Variants in ZNF862 observed in about 807,000 individuals in gnomAD.
ZNF862 encodes zinc finger protein 862.
In ZNF862, 64 loss-of-function variants were observed where a neutral mutation model predicts 91.1. The observed-to-expected ratio is 0.70, with a 90% CI of 0.57 to 0.87. The LOEUF (loss-of-function observed/expected upper bound fraction) is 0.87. Ranked by LOEUF, ZNF862 falls within the 40% of genes least tolerant of loss-of-function variation. The pLI is 0.00. For synonymous variants in ZNF862, 631 were observed against 618.1 expected (o/e 1.02, Z -0.31); for missense variants, 1,459 against 1,528.0 (o/e 0.95, Z 0.75).
chr7:149,861,883 A>T lies in ZNF862; in HGVS notation c.2723A>T (p.Asp908Val), dbSNP rs1656080821. The T allele has an allele frequency of 6.2e-7, 1 of 1,613,732 alleles. No homozygotes were observed. ...GGGCGGCTCCACGGCATCTGCTTGG[A>T]CAAACTGGAGGTAGCGGAACAGCGG... ...KDGRLHGICL[D>V]KLEVAEQRFQ... The change falls in exon 7 of 8, where the codon GAC becomes GTC. Residue 908 changes from aspartate to valine, a missense_variant. Physicochemically the swap from Asp to Val is radical, Grantham distance 152 (BLOSUM62 -3). Coordinates refer to ENST00000223210, the MANE Select transcript of ZNF862 (RefSeq NM_001099220.3). The surrounding 1 kb of genome is among the most constrained non-coding windows in gnomAD (Gnocchi z 6.7).
rs1445098099 is a variant in ZNF862 at position 149,848,392 on chromosome 7, T to C, written c.899T>C (p.Ile300Thr). 1 of 1,584,960 alleles carries C rather than the reference T, an allele frequency of 6.3e-7. No homozygotes were observed. The highest frequency in any genetic ancestry group is 1.8e-5 in the Admixed American group (1 of 56,316). ...GATGGCATCCACAGCTCCTCAGACATTAATATTTTATATAATGATGCAGTA... is the reference window on the plus strand; with the variant it reads ...GATGGCATCCACAGCTCCTCAGACACTAATATTTTATATAATGATGCAGTA... ...ITDGIHSSSDINILYNDAVES... is the reference protein window; with the variant it reads ...ITDGIHSSSDTNILYNDAVES... Residue 300 changes from isoleucine (I) to threonine (T), a missense_variant, in exon 4 of 8, where the codon ATT becomes ACT. Physicochemically the swap from Ile to Thr is moderately conservative, Grantham distance 89. Coordinates refer to ENST00000223210, the MANE Select transcript of ZNF862 (RefSeq NM_001099220.3).
intron 1 of ZNF862, among the ~76,000 whole-genome samples, chr7:149,843,887 G>T (rs1026248900): frequency 1.3e-5 from 2 of 152,150 alleles, no homozygotes; most frequent in African/African-American, 4.8e-5. Context: ...CGCTTTGCCC[G>T]CTGCCGGGTG....
Position 149,861,810 on chromosome 7 carries a change from C to A in ZNF862, c.2650C>A (p.His884Asn). ...RAYVALESLR[H>N]QAGPKEEEFN... is the part of the protein sequence containing the mutation. ...CTACGTGGCACTGGAGAGCCTCCGT[C>A]ACCAGGCAGGGCCCAAAGAGGAAGA... is the stretch of plus-strand genomic sequence containing the variant. Residue 884 changes from histidine (H) to asparagine (N), a missense_variant, in exon 7 of 8, where the codon CAC (histidine) becomes AAC (asparagine). His to Asn is a moderately conservative substitution (Grantham distance 68, BLOSUM62 1). Transcript: ENST00000223210. This position sits in a 1 kb window ranked among gnomAD's most constrained non-coding sequence, Gnocchi z 6.7. 1 of 1,613,670 alleles carries A rather than the reference C, an allele frequency of 6.2e-7. No homozygotes were observed. The highest frequency in any genetic ancestry group is 1.1e-5 in the South Asian group (1 of 91,082).
In ZNF862 at chr7:149,846,013, C is replaced by T. The variant is rs1037312185; in HGVS notation, c.137-138C>T. 6.2e-6 allele frequency: 4 copies of T among 642,580 alleles called. No individual in the cohort carries two copies. The Admixed American group carries it at 7.9e-5, about 13-fold the overall frequency. 39.8% of individuals were successfully genotyped at this position (642,580 alleles called of 1,614,324 possible). Reference sequence around the variant, plus strand: ...CCACTGTGCTGAACCACCAAGACTCCTACTTTCCTCCTTGGCCCCTTATCT... The same window carrying T: ...CCACTGTGCTGAACCACCAAGACTCTTACTTTCCTCCTTGGCCCCTTATCT... On this transcript the variant is annotated intron_variant, in intron 2 of 7. Coordinates refer to ENST00000223210, the MANE Select transcript of ZNF862 (RefSeq NM_001099220.3).
At position 149,865,887 on chromosome 7, in the gene ZNF862, AT is replaced by A. The variant is rs1802700113; in HGVS notation, c.*1605del. The stretch of plus-strand genomic sequence containing the variant: ...ATCTGAGCACCTGAGTACCCTTCCT[AT>A]TCCCAGGGTAGAAGCTGCTGTCTGA... On this transcript the variant is annotated 3_prime_UTR_variant, in exon 8 of 8. Transcript: ENST00000223210. The A allele has an allele frequency of 2.1e-5, 3 of 144,340 alleles. No homozygotes were observed. The highest frequency in any genetic ancestry group is 7.8e-5 in the African/African-American group (3 of 38,656). The allele number at this position is 144,340 out of a possible 1,614,324, so 8.9% of individuals were successfully genotyped here.
chr7:149,843,886 C>T (rs530283218), intron 1 of ZNF862, among the ~76,000 whole-genome samples: 17 of 152,268 alleles, frequency 1.1e-4, no homozygotes, highest in South Asian at 2.1e-4. Context: ...CCGCTTTGCC[C>T]GCTGCCGGGT....
At chr7:149,839,030 C>T (rs527271595) in intron 1 of ZNF862, among the ~76,000 whole-genome samples, 2 of 152,318 alleles carry the variant, frequency 1.3e-5, no homozygotes, top group Admixed American at 1.3e-4. Context: ...AGGGCTTGAC[C>T]CTGCCTAGAT....
chr7:149,864,253 A>T lies in ZNF862; in HGVS notation c.3479A>T (p.His1160Leu). 6.2e-7 allele frequency: 1 copy of T among 1,603,290 alleles called. No individual in the cohort carries two copies. Among genetic ancestry groups the T allele is most frequent in the Non-Finnish European group, 8.5e-7 (1 of 1,175,668 alleles). Residue 1160 changes from histidine to leucine, a missense_variant, in exon 8 of 8, where the codon CAC (histidine) becomes CTC (leucine). Physicochemically the swap from His to Leu is moderately conservative, Grantham distance 99. Transcript: ENST00000223210. ...MEPPERLLYP[H>L]TSQEAPGMS ...CCTCCCGAGAGACTCCTGTATCCCC[A>T]CACCAGCCAGGAGGCCCCCGGGATG...
At chr7:149,844,321 C>T (rs1219399531) in intron 1 of ZNF862, among the ~76,000 whole-genome samples, 1 of 152,196 alleles carries the variant, frequency 6.6e-6, no homozygotes, top group Non-Finnish European at 1.5e-5. Context: ...GTTGCCCAGC[C>T]CCTGGCTGAG....
chr7:149,866,494 A>G lies in ZNF862; in HGVS notation c.*2210A>G, dbSNP rs1802731713. The G allele has an allele frequency of 6.6e-6, 1 of 152,188 alleles. No homozygotes were observed. Among genetic ancestry groups the G allele is most frequent in the African/African-American group, 2.4e-5 (1 of 41,418 alleles). The allele number at this position is 152,188 out of a possible 1,614,324, so 9.4% of individuals were successfully genotyped here. On this transcript the variant is annotated 3_prime_UTR_variant, in exon 8 of 8. Coordinates refer to ENST00000223210, the MANE Select transcript of ZNF862 (RefSeq NM_001099220.3). ...TCATCCTTGAAGAATCCCTCAGAGC[A>G]GGAGGCCATCCTGTGAGCAGCCGTG...
intron 1 of ZNF862, among the ~76,000 whole-genome samples, chr7:149,842,087 T>G (rs1303661832): frequency 6.6e-6 from 1 of 152,132 alleles, no homozygotes; most frequent in Non-Finnish European, 1.5e-5. Flanking sequence ...AGGAGAAGGA[T>G]AAATGCTTGG....
intron 5 of ZNF862, among the ~76,000 whole-genome samples, chr7:149,853,758 C>T (rs1218257154): frequency 3.9e-5 from 6 of 151,912 alleles, no homozygotes; most frequent in African/African-American, 1.2e-4. Context: ...GCCAACATGG[C>T]GAGACCCCAT....
intron 5 of ZNF862, among the ~76,000 whole-genome samples, chr7:149,853,181 C>T (rs769109565): frequency 1.3e-5 from 2 of 152,208 alleles, no homozygotes; most frequent in East Asian, 1.9e-4. Context: ...CCTCCATCTC[C>T]GGAGTATCTG....
intron 1 of ZNF862, among the ~76,000 whole-genome samples, chr7:149,838,962 C>G (rs1005785793): frequency 6.6e-6 from 1 of 152,204 alleles, no homozygotes; most frequent in Non-Finnish European, 1.5e-5. Context: ...TGAAGAGGCC[C>G]TGCTAAGGCT....
rs1163580104 is a variant in ZNF862, at chr7:149,857,384, T to A, written c.1118-2038T>A. 2.3e-4 allele frequency among the ~76,000 whole-genome samples: 35 copies of A among 151,092 alleles called. 1 individual carries two copies. On this transcript the variant is annotated intron_variant, in intron 5 of 7. Coordinates refer to ENST00000223210, the MANE Select transcript of ZNF862 (RefSeq NM_001099220.3). ...TCCATTTTATTTTCTAACAATGCTA[T>A]TTTTTTTATTCTATTGGGTTTTTTA...
intron 7 of ZNF862, among the ~76,000 whole-genome samples, chr7:149,863,097 C>G (rs1332062397): frequency 6.6e-6 from 1 of 152,142 alleles, no homozygotes; most frequent in African/African-American, 2.4e-5. Flanking sequence ...ACAGAAACAG[C>G]CTCTCTGGAC....
At position 149,844,676 on chromosome 7, in the gene ZNF862, GTGC is replaced by G; in HGVS notation, c.82_84del (p.Leu28del). ...TGTGTACTTACTCCAGGAGGAATGG[GTGC>G]TGCTGAGCCAGCAACAGAAGGAGCT... is the stretch of plus-strand genomic sequence containing the variant. On this transcript the variant is annotated inframe_deletion, in exon 2 of 8. Transcript: ENST00000223210. 6.2e-7 allele frequency: 1 copy of G among 1,605,906 alleles called. No homozygotes were observed. The highest frequency in any genetic ancestry group is 8.5e-7 in the Non-Finnish European group (1 of 1,176,104).
chr7:149,863,931 A>G (rs1418814142), intron 7 of ZNF862, among the ~76,000 whole-genome samples, 178 bp from the exon 8 acceptor site: 7 of 152,238 alleles, frequency 4.6e-5, no homozygotes, highest in African/African-American at 1.7e-4. Context: ...GAGATCCCCT[A>G]TCTCAGGATA....
chr7:149,860,010 T>C, intron 6 of ZNF862: 1 of 287,346 alleles, frequency 3.5e-6, no homozygotes, highest in East Asian at 7.0e-5. Flanking sequence ...GTGTTTAACC[T>C]ATTCTATTGT....
Sources: gnomAD v4.1 joint callset for allele counts (sites outside exome capture counted in the v4.1 genomes callset) on GRCh38, gnomAD v4.1.1 for gene constraint, Gnocchi (gnomAD v3.1) non-coding constraint, MANE v1.5 for transcripts, NCBI Gene and HGNC (gene_info 2026-07-23, HGNC 2026-07-21) for gene names.